CSTF2: variants seen among roughly 807,000 people sequenced by gnomAD.
The protein encoded by CSTF2 is CF-1 64 kDa subunit.
In CSTF2, 8 loss-of-function variants were observed where a neutral mutation model predicts 45.4. The observed-to-expected ratio is 0.18, with a 90% CI of 0.10 to 0.32. CSTF2 has a LOEUF of 0.32. Among genes scored for constraint, CSTF2 ranks in the 10% least tolerant of loss-of-function variants. CSTF2 has a pLI of 1.00. For missense variants in CSTF2, 253 were observed against 477.1 expected, an observed-to-expected ratio of 0.53 and a Z score of 4.38; for synonymous variants, 155 against 158.9, an observed-to-expected ratio of 0.98 and a Z score of 0.18.
intron 1 of CSTF2, among the ~76,000 whole-genome samples, chrX:100,821,306 C>G (rs145831988): frequency 0.037 from 4,163 of 112,128 alleles, 209 homozygotes; most frequent in African/African-American, 0.13. Context: ...AAATCTAACA[C>G]GTGTCAGATC....
At position 100,841,418 on chromosome X, in the gene CSTF2, G is replaced by C. The variant is rs2085038592; in HGVS notation, c.*708G>C. On this transcript the variant is annotated 3_prime_UTR_variant, in exon 14 of 14. Coordinates refer to ENST00000372972, the MANE Select transcript of CSTF2 (RefSeq NM_001325.3). Reference sequence around the variant, plus strand: ...CACAAGAGACTGTTGACATTTACTTGTGTGTTCTTAAACTTATCAGTCTAG... The same window carrying C: ...CACAAGAGACTGTTGACATTTACTTCTGTGTTCTTAAACTTATCAGTCTAG... Among the ~76,000 whole-genome samples the C allele has an allele frequency of 8.9e-6, 1 of 112,444 alleles. No homozygotes were observed. The highest frequency in any genetic ancestry group is 1.9e-5 in the Non-Finnish European group (1 of 53,329).
intron 5 of CSTF2, 35 bp downstream of exon 5, chrX:100,824,040 G>A: frequency 1.7e-6 from 2 of 1,209,314 alleles, no homozygotes; most frequent in Non-Finnish European, 2.2e-6. Context: ...GAAATGGTCG[G>A]GTAAACCTTG....
At chrX:100,829,928 T>C (rs1454286626) in intron 8 of CSTF2, among the ~76,000 whole-genome samples, 1 of 112,242 alleles carries the variant, frequency 8.9e-6, no homozygotes, top group Admixed American at 9.5e-5. Flanking sequence ...AAGTGACTCA[T>C]GTTTTGAGGG....
chrX:100,832,654 G>A, intron 9 of CSTF2, 80 bp from the exon 10 acceptor site: 2 of 880,655 alleles, frequency 2.3e-6, no homozygotes, highest in Non-Finnish European at 3.1e-6. Flanking sequence ...CTCTTTGTTG[G>A]ATGTTTACTT....
intron 9 of CSTF2, 137 bp from the exon 10 acceptor site, chrX:100,832,597 C>T: frequency 4.0e-6 from 2 of 505,669 alleles, no homozygotes; most frequent in Non-Finnish European, 6.1e-6. Context: ...GCTTTTCTTC[C>T]ATCTATTTGG....
At chrX:100,821,955 T>C (rs1292077930) in intron 2 of CSTF2, among the ~76,000 whole-genome samples, 2 of 110,179 alleles carry the variant, frequency 1.8e-5, no homozygotes, top group African/African-American at 6.6e-5. Flanking sequence ...TTAGCCGCCG[T>C]GGTGGCCCAT....
At chrX:100,834,228 T>G (rs2084994406) in intron 11 of CSTF2, among the ~76,000 whole-genome samples, 3 of 111,417 alleles carry the variant, frequency 2.7e-5, no homozygotes, top group Non-Finnish European at 5.6e-5. Context: ...TTTTCCCCCC[T>G]TCCTCTGCGT....
At chrX:100,835,992 A>C (rs1377634111) in intron 11 of CSTF2, among the ~76,000 whole-genome samples, 1 of 112,002 alleles carries the variant, frequency 8.9e-6, no homozygotes, top group African/African-American at 3.2e-5. Context: ...GATTATACTC[A>C]TAGGTGTTTC....
chrX:100,839,590 G>T (rs769931167), intron 13 of CSTF2, among the ~76,000 whole-genome samples: 3 of 111,145 alleles, frequency 2.7e-5, no homozygotes, highest in Admixed American at 1.9e-4. Context: ...TTTAAACTGC[G>T]ACTATGCATC....
In CSTF2 at chrX:100,823,972, A is replaced by G. The variant is rs2084931598; in HGVS notation, c.531A>G (p.Val177=). 8.3e-7 allele frequency: 1 copy of G among 1,210,554 alleles called. No individual in the cohort carries two copies. Among genetic ancestry groups the G allele is most frequent in the African/African-American group, 1.7e-5 (1 of 57,427 alleles). Residue 177 remains valine (V), a synonymous_variant, in exon 5 of 14, where the codon GTA becomes GTG. Coordinates refer to ENST00000372972, the MANE Select transcript of CSTF2 (RefSeq NM_001325.3). ...QLAYALLQAQ[V]VMRIVDPEIA... ...CTTATGCTTTGCTGCAAGCACAGGT[A>G]GTGATGAGAATTGTGGATCCGGAAA...
intron 9 of CSTF2, 77 bp from the exon 10 acceptor site, chrX:100,832,657 G>A (rs2084982771): frequency 3.3e-6 from 3 of 918,682 alleles, no homozygotes; most frequent in Admixed American, 6.9e-5. Flanking sequence ...TTTGTTGGAT[G>A]TTTACTTACT....
chrX:100,840,514 A>G (rs2085033765), intron 13 of CSTF2, among the ~76,000 whole-genome samples, 200 bp from the exon 14 acceptor site: 1 of 111,732 alleles, frequency 8.9e-6, no homozygotes, highest in African/African-American at 3.3e-5. Context: ...AGTAGTGCTG[A>G]GGTTGAGAAA....
intron 8 of CSTF2, chrX:100,830,660 AT>A: frequency 2.3e-6 from 1 of 440,911 alleles, no homozygotes; most frequent in Admixed American, 3.9e-5. Flanking sequence ...GTTTAGGGAG[AT>A]TTTGTAGCCT....
At chrX:100,837,866 T>C (rs1326592718) in intron 12 of CSTF2, among the ~76,000 whole-genome samples, 2 of 111,503 alleles carry the variant, frequency 1.8e-5, no homozygotes, top group African/African-American at 3.3e-5. Context: ...AGGCTAAAAT[T>C]TGTGAAAAAG....
intron 11 of CSTF2, among the ~76,000 whole-genome samples, chrX:100,835,442 C>T (rs950652275): frequency 1.4e-4 from 16 of 110,533 alleles, no homozygotes; most frequent in Admixed American, 2.9e-4. Context: ...CTTGTCTCCC[C>T]TGTGGCCCTC....
chrX:100,839,254 A>G (rs2085026980), intron 13 of CSTF2, among the ~76,000 whole-genome samples: 1 of 108,665 alleles, frequency 9.2e-6, no homozygotes, highest in Admixed American at 1.0e-4. Flanking sequence ...GTGTCAAAAA[A>G]AAAAAAAAAA....
intron 6 of CSTF2, among the ~76,000 whole-genome samples, chrX:100,824,628 T>G (rs1217738922): frequency 1.8e-5 from 2 of 112,182 alleles, no homozygotes; most frequent in Non-Finnish European, 3.8e-5. Context: ...AAGTAAAGCT[T>G]GCTTTCAAAG....
intron 5 of CSTF2, 31 bp downstream of exon 5, chrX:100,824,036 GT>G (rs1297338882): frequency 2.6e-5 from 32 of 1,208,801 alleles, no homozygotes; most frequent in Non-Finnish European, 3.6e-5. Context: ...TATGGAAATG[GT>G]CGGGTAAACC....
At position 100,823,868 on chromosome X, in the gene CSTF2, A is replaced by G; in HGVS notation, c.445-18A>G. 1 of 1,207,048 alleles carries G rather than the reference A, an allele frequency of 8.3e-7. No individual in the cohort carries two copies. The highest frequency in any genetic ancestry group is 1.1e-6 in the Non-Finnish European group (1 of 893,049). On this transcript the variant is annotated intron_variant, in intron 4 of 13. Coordinates refer to ENST00000372972, the MANE Select transcript of CSTF2 (RefSeq NM_001325.3). ...TCTAAGTCATAAGTATTAAACCTGA[A>G]TCTGCTTATCTTCTCAGCTCTGTGT...
Sources: allele counts gnomAD v4.1 joint callset (sites outside exome capture counted in the v4.1 genomes callset), GRCh38; gene constraint gnomAD v4.1.1; transcripts MANE v1.5; gene names NCBI Gene and HGNC (gene_info 2026-07-23, HGNC 2026-07-21).